The following LRRC4C variants were observed in gnomAD, a reference collection of about 807,000 sequenced individuals.
LRRC4C encodes leucine-rich repeat-containing protein 4C.
In LRRC4C, 5 loss-of-function variants were observed where a neutral mutation model predicts 33.6. The ratio of observed to expected loss-of-function variants is 0.15; its 90% CI spans 0.08 to 0.31. LRRC4C has a LOEUF of 0.31. LRRC4C is among the 10% of genes least tolerant of loss of function. The pLI, the probability that LRRC4C is intolerant of heterozygous loss-of-function variation, is 1.00. For missense variants in LRRC4C, 560 were observed against 796.7 expected, an observed-to-expected ratio of 0.70 and a Z score of 3.58; for synonymous variants, 329 against 302.0, an observed-to-expected ratio of 1.09 and a Z score of -0.93.
intron 3 of LRRC4C, among the ~76,000 whole-genome samples, chr11:40,391,984 A>G (rs2137456998): frequency 6.6e-6 from 1 of 152,332 alleles, no homozygotes; most frequent in African/African-American, 2.4e-5. Flanking sequence ...TGAGCTATCA[A>G]TCCAAGAAAA....
intron 1 of LRRC4C, among the ~76,000 whole-genome samples, chr11:41,414,952 ACTAATATAGCAC>A (rs1411392337): frequency 6.6e-6 from 1 of 152,146 alleles, no homozygotes; most frequent in Admixed American, 6.5e-5. Context: ...AACAGGCAAC[ACTAATATAGCAC>A]CTTTCCTCTT....
At chr11:40,518,930 TA>T (rs1393124502) in intron 3 of LRRC4C, among the ~76,000 whole-genome samples, 1 of 152,142 alleles carries the variant, frequency 6.6e-6, no homozygotes, top group African/African-American at 2.4e-5. Context: ...AAGGATGAGG[TA>T]ATGTCCTTTG....
In LRRC4C at chr11:40,966,578, C is replaced by T. The variant is rs547026019; in HGVS notation, c.-495-32855G>A. ...CTACTTTTTCCCTTCTCTAAAGCCC[C>T]TATCTTAGCATAGGTATGTACACCA... On this transcript the variant is annotated intron_variant, in intron 1 of 6. Transcript: ENST00000528697. Among the ~76,000 whole-genome samples the T allele has an allele frequency of 2.0e-5, 3 of 152,090 alleles. No homozygotes were observed. The South Asian group carries it at 6.2e-4, about 32-fold the overall frequency.
At chr11:40,875,931 C>A (rs553981925) in intron 2 of LRRC4C, among the ~76,000 whole-genome samples, 65 of 152,118 alleles carry the variant, frequency 4.3e-4, no homozygotes, top group African/African-American at 1.4e-3. Context: ...CATCTAGGGG[C>A]GGTGGCAGAT....
At chr11:40,248,977 G>T (rs1023550165) in intron 4 of LRRC4C, among the ~76,000 whole-genome samples, 3 of 152,096 alleles carry the variant, frequency 2.0e-5, no homozygotes, top group African/African-American at 7.2e-5. Flanking sequence ...CATCCTAAGA[G>T]TACCTGATAC....
chr11:40,292,548 AT>A (rs1944263392), intron 4 of LRRC4C: 1 of 151,522 alleles, frequency 6.6e-6, no homozygotes, highest in Admixed American at 6.6e-5. Flanking sequence ...CAAACTTTTC[AT>A]TCCAAAAATA....
chr11:40,520,576 A>G (rs1291603403), intron 3 of LRRC4C, among the ~76,000 whole-genome samples: 2 of 152,210 alleles, frequency 1.3e-5, no homozygotes, highest in Admixed American at 6.6e-5. Context: ...TTGGCTATTT[A>G]TATGGGTTTG....
chr11:40,720,520 C>T (rs1378511906), intron 2 of LRRC4C, among the ~76,000 whole-genome samples: 1 of 152,104 alleles, frequency 6.6e-6, no homozygotes, highest in Admixed American at 6.6e-5. Context: ...AAGAGAATGC[C>T]TAAGGGACCA....
chr11:40,715,839 A>G (rs1016912191), intron 2 of LRRC4C, among the ~76,000 whole-genome samples: 4 of 152,176 alleles, frequency 2.6e-5, no homozygotes, highest in Non-Finnish European at 5.9e-5. Flanking sequence ...AGCCTAGCCA[A>G]AGTGGTGAAA....
At chr11:40,564,744 G>T (rs1957686057) in intron 3 of LRRC4C, among the ~76,000 whole-genome samples, 1 of 152,046 alleles carries the variant, frequency 6.6e-6, no homozygotes, top group Non-Finnish European at 1.5e-5. Context: ...CTTTTTTTCA[G>T]GGACCAAAGC....
chr11:40,469,127 C>T (rs920542124), intron 3 of LRRC4C, among the ~76,000 whole-genome samples: 2 of 152,222 alleles, frequency 1.3e-5, no homozygotes, highest in Non-Finnish European at 2.9e-5. Context: ...TCTGCAGCTT[C>T]CAGTGAGATC....
intron 1 of LRRC4C, among the ~76,000 whole-genome samples, chr11:41,371,548 C>T (rs888592240): frequency 2.1e-4 from 32 of 151,984 alleles, no homozygotes; most frequent in Admixed American, 1.6e-3. Flanking sequence ...GACAACCTAA[C>T]GAAAAAGAAA....
intron 5 of LRRC4C, among the ~76,000 whole-genome samples, chr11:40,218,391 G>A (rs1864126677): frequency 3.3e-5 from 5 of 152,112 alleles, no homozygotes; most frequent in Admixed American, 3.3e-4. Flanking sequence ...TGCTCAATGT[G>A]ATGGGGGAAA....
intron 3 of LRRC4C, among the ~76,000 whole-genome samples, chr11:40,377,108 G>A (rs1468391931): frequency 6.6e-6 from 1 of 152,090 alleles, no homozygotes; most frequent in Non-Finnish European, 1.5e-5. Flanking sequence ...GAAGACACAA[G>A]AATGAGAAAT....
chr11:40,633,399 T>TCTCTCTCTCTCTCTCTC (rs1963682731), intron 3 of LRRC4C, among the ~76,000 whole-genome samples: 1 of 64,594 alleles, frequency 1.5e-5, no homozygotes, highest in Non-Finnish European at 3.6e-5. Flanking sequence ...TTCTTTCTTT[T>TCTCTCTCTCTCTCTCTC]TTTTTTTTTG....
chr11:40,825,151 A>T (rs1952104930), intron 2 of LRRC4C, among the ~76,000 whole-genome samples: 1 of 152,046 alleles, frequency 6.6e-6, no homozygotes, highest in Admixed American at 6.6e-5. Flanking sequence ...AACGAGACTC[A>T]GGGAAGTTAA....
intron 2 of LRRC4C, among the ~76,000 whole-genome samples, chr11:40,713,901 A>G (rs999778354): frequency 4.6e-5 from 7 of 152,206 alleles, no homozygotes; most frequent in African/African-American, 1.2e-4. Flanking sequence ...TCCCATCGCT[A>G]TAGAAGAGGG....
chr11:40,277,895 A>G (rs1488387701), intron 4 of LRRC4C, among the ~76,000 whole-genome samples: 1 of 152,134 alleles, frequency 6.6e-6, no homozygotes, highest in African/African-American at 2.4e-5. Flanking sequence ...GTACGTTGAG[A>G]TAAAATATAT....
chr11:41,218,549 A>G (rs1451608490), intron 1 of LRRC4C, among the ~76,000 whole-genome samples: 1 of 152,188 alleles, frequency 6.6e-6, no homozygotes, highest in Non-Finnish European at 1.5e-5. Context: ...GAATATAGCA[A>G]TAGGCTTCAT....
Sources: gnomAD v4.1 joint callset for allele counts (sites outside exome capture counted in the v4.1 genomes callset) on GRCh38, gnomAD v4.1.1 for gene constraint, MANE v1.5 for transcripts, NCBI Gene and HGNC (gene_info 2026-07-23, HGNC 2026-07-21) for gene names.